The following CYP39A1 variants were observed in gnomAD, a reference collection of about 807,000 sequenced individuals.
CYP39A1 encodes the protein cytochrome P450 family 39 subfamily A member 1.
Under a neutral mutation model 58.1 loss-of-function variants are expected in CYP39A1, and 49 were observed. The ratio of observed to expected loss-of-function variants is 0.84; its 90% CI spans 0.67 to 1.07. The LOEUF (loss-of-function observed/expected upper bound fraction) is 1.07. Ranked by LOEUF, CYP39A1 falls within the 50% of genes least tolerant of loss-of-function variation. The pLI is 0.00. For missense variants in CYP39A1, 531 were observed against 539.4 expected (o/e 0.98, Z 0.16); for synonymous variants, 209 against 187.6 (o/e 1.11, Z -0.93).
At chr6:46,553,913 C>G (rs1770540320) in intron 10 of CYP39A1, 59 bp from the exon 11 acceptor site, 1 of 1,056,106 alleles carries the variant, frequency 9.5e-7, no homozygotes, top group Admixed American at 2.1e-5. Context: ...TATCTGCCAA[C>G]AGAGAATATC....
intron 1 of CYP39A1, among the ~76,000 whole-genome samples, chr6:46,648,051 T>G (rs1762439910): frequency 6.6e-6 from 1 of 152,152 alleles, no homozygotes; most frequent in Non-Finnish European, 1.5e-5. Context: ...GGAACACTTT[T>G]ACACTGTTGG....
At chr6:46,562,740 GAAAT>G (rs1337171677) in intron 10 of CYP39A1, among the ~76,000 whole-genome samples, 1 of 151,926 alleles carries the variant, frequency 6.6e-6, no homozygotes, top group African/African-American at 2.4e-5. Flanking sequence ...AAAAAGATTA[GAAAT>G]AATATTTACC....
At chr6:46,562,019 AGTTTGTTT>A (rs904639921) in intron 10 of CYP39A1, among the ~76,000 whole-genome samples, 1 of 151,942 alleles carries the variant, frequency 6.6e-6, no homozygotes, top group Non-Finnish European at 1.5e-5. Flanking sequence ...CTAAGAGAGT[AGTTTGTTT>A]GTTTGTTTGT....
rs951501188 is a variant in CYP39A1, at chr6:46,550,230, A to T, written c.*136T>A. 1.0e-5 allele frequency: 6 copies of T among 595,512 alleles called. No homozygotes were observed. The highest frequency in any genetic ancestry group is 2.9e-5 in the East Asian group (1 of 34,784). 36.9% of individuals were successfully genotyped at this position (595,512 alleles called of 1,614,324 possible). A position where few individuals can be genotyped will look rare whatever the true frequency, so the allele number is the denominator to read the frequency against. On this transcript the variant is annotated 3_prime_UTR_variant, in exon 12 of 12. Coordinates refer to ENST00000275016, the MANE Select transcript of CYP39A1 (RefSeq NM_016593.5). ...GTTGAAGATACCAAACACATGCACC[A>T]TTTGAATGTGTTCTTGAACTAAGTC... is the stretch of plus-strand genomic sequence containing the variant.
intron 1 of CYP39A1, among the ~76,000 whole-genome samples, chr6:46,649,135 T>C (rs1762514944): frequency 6.6e-6 from 1 of 152,234 alleles, no homozygotes; most frequent in Non-Finnish European, 1.5e-5. Context: ...GTAGTCGTAT[T>C]CACTACCCAG....
chr6:46,550,053 T>C lies in CYP39A1; in HGVS notation c.*313A>G, dbSNP rs1770307666. ...TAAGATTTTCATTCAAATGACATTA[T>C]TTCTATTTAATGTTTTAATACAGTT... is the stretch of plus-strand genomic sequence containing the variant. On this transcript the variant is annotated 3_prime_UTR_variant, in exon 12 of 12. Coordinates refer to ENST00000275016, the MANE Select transcript of CYP39A1 (RefSeq NM_016593.5). 4.5e-6 allele frequency: 1 copy of C among 220,410 alleles called. No individual in the cohort carries two copies. Among genetic ancestry groups the C allele is most frequent in the South Asian group, 1.8e-4 (1 of 5,452 alleles). The allele number at this position is 220,410 out of a possible 1,614,324, so 13.7% of individuals were successfully genotyped here.
chr6:46,583,415 C>T, intron 10 of CYP39A1: 1 of 985,388 alleles, frequency 1.0e-6, no homozygotes, highest in Non-Finnish European at 1.2e-6. Context: ...CTCAGAGGTG[C>T]TCACTCAAAG....
intron 1 of CYP39A1, among the ~76,000 whole-genome samples, chr6:46,650,364 A>G (rs967572510): frequency 8.3e-6 from 1 of 121,174 alleles, no homozygotes; most frequent in African/African-American, 3.4e-5. Context: ...CCCTGGCACC[A>G]AAGGTGGGAG....
intron 1 of CYP39A1, among the ~76,000 whole-genome samples, chr6:46,645,807 C>T (rs1415760927): frequency 6.6e-6 from 1 of 152,064 alleles, no homozygotes; most frequent in African/African-American, 2.4e-5. Context: ...CAGTATGTTT[C>T]TCCCTTAAGA....
At chr6:46,643,807 TTTG>T (rs145440371) in intron 1 of CYP39A1, among the ~76,000 whole-genome samples, 3,533 of 152,290 alleles carry the variant, frequency 0.023, 124 homozygotes, top group African/African-American at 0.078. Context: ...TTGCTTTCCT[TTTG>T]TTCTTTTTTT....
At chr6:46,602,147 A>AATGG (rs545425113) in intron 7 of CYP39A1, among the ~76,000 whole-genome samples, 64 of 152,124 alleles carry the variant, frequency 4.2e-4, no homozygotes, top group East Asian at 1.6e-3. Flanking sequence ...TGAATAAATG[A>AATGG]ATGGATGGAT....
chr6:46,639,418 A>C, intron 3 of CYP39A1, 76 bp downstream of exon 3: 1 of 1,346,584 alleles, frequency 7.4e-7, no homozygotes, highest in South Asian at 1.3e-5. Flanking sequence ...ACAATGTTTG[A>C]AGTCCAATCT....
At chr6:46,571,470 T>C (rs779578239) in intron 10 of CYP39A1, among the ~76,000 whole-genome samples, 2 of 152,172 alleles carry the variant, frequency 1.3e-5, no homozygotes, top group Admixed American at 6.5e-5. Flanking sequence ...TTTATCATTA[T>C]ATAATGACCT....
chr6:46,631,082 A>T lies in CYP39A1; in HGVS notation c.733-12T>A. The T allele has an allele frequency of 6.3e-7, 1 of 1,590,244 alleles. No individual in the cohort carries two copies. The highest frequency in any genetic ancestry group is 8.6e-7 in the Non-Finnish European group (1 of 1,159,796). ...GCTTGCAATAATGTCTGTTTAAAAGAAATAAACATTGCCAAACCATGGCTA... is the reference window on the plus strand; with the variant it reads ...GCTTGCAATAATGTCTGTTTAAAAGTAATAAACATTGCCAAACCATGGCTA... On this transcript the variant is annotated splice_polypyrimidine_tract_variant and intron_variant, in intron 5 of 11. Transcript: ENST00000275016.
At chr6:46,620,159 C>T (rs929844108) in intron 7 of CYP39A1, among the ~76,000 whole-genome samples, 2 of 152,018 alleles carry the variant, frequency 1.3e-5, no homozygotes, top group East Asian at 3.9e-4. Context: ...TTTTAACCTG[C>T]CCTATTCTCA....
chr6:46,636,413 A>T lies in CYP39A1; in HGVS notation c.708T>A (p.Cys236Ter). The change falls in exon 5 of 12, where the codon TGT becomes TGA. Residue 236 changes from cysteine (C) to a stop codon, truncating the protein, a stop_gained. Transcript: ENST00000275016. LOFTEE classifies it high-confidence loss of function. The stretch of plus-strand genomic sequence containing the variant: ...CCATGGAATTATCTTTTGCAGATTT[A>T]CATGCTTTTATATCTGGAATGTTTT... ...FEKNIPDIKA[C>*]KSAKDNSMTL... is the part of the protein sequence containing the mutation. 1.2e-6 allele frequency: 2 copies of T among 1,608,834 alleles called. No individual in the cohort carries two copies. Among genetic ancestry groups the T allele is most frequent in the South Asian group, 2.2e-5 (2 of 89,916 alleles).
intron 10 of CYP39A1, among the ~76,000 whole-genome samples, chr6:46,569,971 A>C (rs1464390447): frequency 6.6e-6 from 1 of 152,166 alleles, no homozygotes. Flanking sequence ...AGTAAAATTC[A>C]GAAGGGAAAC....
Position 46,588,056 on chromosome 6 carries a change from G to A in CYP39A1, c.1139C>T (p.Pro380Leu), listed in dbSNP as rs760725994. 2 of 1,584,108 alleles carry A rather than the reference G, an allele frequency of 1.3e-6. No homozygotes were observed. Among genetic ancestry groups the A allele is most frequent in the Non-Finnish European group, 1.7e-6 (2 of 1,163,038 alleles). Reference sequence around the variant, plus strand: ...TACAGGTTTGAACAATTCAGGCTCAGGAAAATACTTTGGATTTCTATGCAG... The same window carrying A: ...TACAGGTTTGAACAATTCAGGCTCAAGAAAATACTTTGGATTTCTATGCAG... Reference protein sequence around the residue: ...FWLHRNPKYFPEPELFKPERW... With the variant: ...FWLHRNPKYFLEPELFKPERW... Residue 380 changes from proline to leucine, a missense_variant, in exon 9 of 12, where the codon CCT becomes CTT. Coordinates refer to ENST00000275016, the MANE Select transcript of CYP39A1 (RefSeq NM_016593.5).
chr6:46,587,555 C>T (rs1772545693), intron 9 of CYP39A1, among the ~76,000 whole-genome samples: 1 of 152,150 alleles, frequency 6.6e-6, no homozygotes, highest in African/African-American at 2.4e-5. Context: ...ATGAATGCAT[C>T]TGGATGCCAT....
Sources: allele counts gnomAD v4.1 joint callset (sites outside exome capture counted in the v4.1 genomes callset), GRCh38; gene constraint gnomAD v4.1.1; transcripts MANE v1.5; gene names NCBI Gene and HGNC (gene_info 2026-07-23, HGNC 2026-07-21).